Variants in CADPS2 observed in about 807,000 individuals in gnomAD.
CADPS2 encodes the protein calcium-dependent secretion activator 2.
CADPS2 carries 93 observed loss-of-function variants against 172.5 expected under a neutral mutation model. The observed-to-expected ratio is 0.54, with a 90% CI of 0.46 to 0.64. The LOEUF is 0.64. Among genes scored for constraint, CADPS2 ranks in the 30% least tolerant of loss-of-function variants. The pLI, the probability that CADPS2 is intolerant of heterozygous loss-of-function variation, is 0.00. For missense variants in CADPS2, 1,420 were observed against 1,565.9 expected (o/e 0.91, Z 1.57); for synonymous variants, 546 against 555.2 (o/e 0.98, Z 0.23).
chr7:122,799,553 G>C (rs1362310851), intron 1 of CADPS2, among the ~76,000 whole-genome samples: 2 of 147,726 alleles, frequency 1.4e-5, no homozygotes, highest in East Asian at 4.0e-4. Context: ...GCAGTAAGCA[G>C]AGATCGCACC....
At chr7:122,583,080 G>A (rs1409959142) in intron 6 of CADPS2, among the ~76,000 whole-genome samples, 11 of 150,988 alleles carry the variant, frequency 7.3e-5, no homozygotes, top group East Asian at 1.9e-4. Context: ...CAATGAATGC[G>A]GAGGAAAAAA....
chr7:122,733,483 G>A (rs2091875241), intron 2 of CADPS2, among the ~76,000 whole-genome samples: 2 of 125,160 alleles, frequency 1.6e-5, no homozygotes, highest in Non-Finnish European at 3.8e-5. Context: ...ATGACAATGT[G>A]AATCAAAATT....
At chr7:122,820,815 T>C (rs1423305803) in intron 1 of CADPS2, among the ~76,000 whole-genome samples, 1 of 137,988 alleles carries the variant, frequency 7.2e-6, no homozygotes, top group African/African-American at 2.8e-5. Context: ...CGCCTCGGCC[T>C]CCCAAAGTGC....
intron 28 of CADPS2, among the ~76,000 whole-genome samples, chr7:122,335,033 G>C (rs1159911059): frequency 6.6e-6 from 1 of 152,094 alleles, no homozygotes; most frequent in Non-Finnish European, 1.5e-5. Context: ...GATTCCTATT[G>C]AGTAATTGTG....
chr7:122,879,161 C>A (rs535581588), intron 1 of CADPS2, among the ~76,000 whole-genome samples: 4 of 148,222 alleles, frequency 2.7e-5, no homozygotes, highest in African/African-American at 7.5e-5. Flanking sequence ...CAGTTGAACG[C>A]GGGAGGCAGA....
chr7:122,743,204 G>GA (rs1362889768), intron 1 of CADPS2, among the ~76,000 whole-genome samples: 2 of 152,026 alleles, frequency 1.3e-5, no homozygotes, highest in African/African-American at 4.8e-5. Context: ...CTTGTAAAAA[G>GA]AAAAAACTAA....
At chr7:122,715,214 A>G (rs747451318) in intron 2 of CADPS2, among the ~76,000 whole-genome samples, 7 of 152,100 alleles carry the variant, frequency 4.6e-5, no homozygotes, top group Non-Finnish European at 1.0e-4. Flanking sequence ...GGATTGTCTG[A>G]GTTTTCATAC....
In CADPS2 at chr7:122,538,759, C is replaced by T. The variant is rs549217826; in HGVS notation, c.1475+15791G>A. 2.0e-5 allele frequency among the ~76,000 whole-genome samples: 3 copies of T among 152,096 alleles called. No individual in the cohort carries two copies. The South Asian group carries it at 6.2e-4, about 32-fold the overall frequency. On this transcript the variant is annotated intron_variant, in intron 8 of 29. Transcript: ENST00000449022. ...AATTAAGTATCTGTATGCCTCATTC[C>T]TGATTATACATAGTGGAGAAATTCT...
chr7:122,367,295 CGA>C (rs201686419), intron 25 of CADPS2, among the ~76,000 whole-genome samples: 6 of 150,324 alleles, frequency 4.0e-5, no homozygotes, highest in African/African-American at 4.9e-5. Context: ...AGAGAGAAAG[CGA>C]GAGAGAGAGA....
At chr7:122,570,317 T>A (rs1246184342) in intron 7 of CADPS2, among the ~76,000 whole-genome samples, 1 of 152,022 alleles carries the variant, frequency 6.6e-6, no homozygotes, top group East Asian at 1.9e-4. Context: ...GAAATTGAAA[T>A]CAAAACCACA....
chr7:122,677,225 A>G (rs1386788270), intron 2 of CADPS2, among the ~76,000 whole-genome samples: 1 of 152,236 alleles, frequency 6.6e-6, no homozygotes, highest in African/African-American at 2.4e-5. Context: ...TTCTGGTGCT[A>G]TAAGTTTGTA....
intron 2 of CADPS2, among the ~76,000 whole-genome samples, chr7:122,672,979 G>A (rs544373842): frequency 6.6e-6 from 1 of 152,326 alleles, no homozygotes; most frequent in South Asian, 2.1e-4. Context: ...CTTCCTTCTG[G>A]TGGGTTCGTG....
intron 9 of CADPS2, among the ~76,000 whole-genome samples, chr7:122,496,364 T>C (rs960935473): frequency 3.9e-5 from 6 of 152,260 alleles, no homozygotes; most frequent in African/African-American, 9.6e-5. Context: ...GGTTTCACCA[T>C]GTTGGCCAGG....
intron 3 of CADPS2, among the ~76,000 whole-genome samples, chr7:122,655,605 T>TA (rs138866337): frequency 6.6e-5 from 10 of 151,466 alleles, no homozygotes; most frequent in Admixed American, 4.0e-4. Context: ...CAGTGTGAAA[T>TA]AAAAAAAAAT....
chr7:122,779,467 A>T (rs188053086), intron 1 of CADPS2, among the ~76,000 whole-genome samples: 1 of 152,276 alleles, frequency 6.6e-6, no homozygotes, highest in African/African-American at 2.4e-5. Flanking sequence ...ATACCCACAG[A>T]CATTTCATTG....
intron 3 of CADPS2, among the ~76,000 whole-genome samples, chr7:122,652,810 C>CT (rs1401584498): frequency 6.6e-6 from 1 of 151,194 alleles, no homozygotes; most frequent in African/African-American, 2.5e-5. Flanking sequence ...TGTTTTTATT[C>CT]TTTTTTATGT....
Position 122,474,509 on chromosome 7 carries a change from G to T in CADPS2, c.1870C>A (p.Arg624Ser). 1 of 1,612,508 alleles carries T rather than the reference G, an allele frequency of 6.2e-7. No homozygotes were observed. Among genetic ancestry groups the T allele is most frequent in the Non-Finnish European group, 8.5e-7 (1 of 1,179,244 alleles). Residue 624 changes from arginine to serine, a missense_variant, in exon 13 of 30, where the codon CGT (arginine) becomes AGT (serine). Transcript: ENST00000449022. ...DAQLSGKDAD[R>S]FQKHGMDEFI... ...TCATCCATACCATGTTTCTGAAAAC[G>T]ATCTGCATCTGTAAATTCAGGAAAG...
At chr7:122,374,383 G>T (rs2042102819) in intron 25 of CADPS2, among the ~76,000 whole-genome samples, 1 of 151,726 alleles carries the variant, frequency 6.6e-6, no homozygotes, top group African/African-American at 2.4e-5. Flanking sequence ...ACATAGTACT[G>T]GGAGTCCTAG....
chr7:122,557,943 C>G (rs539419905), intron 7 of CADPS2, among the ~76,000 whole-genome samples: 97 of 152,190 alleles, frequency 6.4e-4, no homozygotes, highest in Admixed American at 2.2e-3. Context: ...ATGTCTTTAC[C>G]CCACTTTATT....
Sources: gnomAD v4.1 joint callset for allele counts (sites outside exome capture counted in the v4.1 genomes callset) on GRCh38, gnomAD v4.1.1 for gene constraint, MANE v1.5 for transcripts, NCBI Gene and HGNC (gene_info 2026-07-23, HGNC 2026-07-21) for gene names.